ASIC2: variants seen among roughly 807,000 people sequenced by gnomAD.
ASIC2 encodes the protein acid sensing ion channel subunit 2.
ASIC2 carries 25 observed loss-of-function variants against 57.3 expected under a neutral mutation model. That is an observed-to-expected ratio of 0.44 (90% confidence interval 0.32 to 0.61). The LOEUF is 0.61. Among genes scored for constraint, ASIC2 ranks in the 20% least tolerant of loss-of-function variants. The pLI is 0.06. For missense variants in ASIC2, 641 were observed against 738.1 expected, an observed-to-expected ratio of 0.87 and a Z score of 1.52; for synonymous variants, 319 against 307.5, an observed-to-expected ratio of 1.04 and a Z score of -0.39.
At chr17:33,338,946 A>C (rs1907627843) in intron 1 of ASIC2, among the ~76,000 whole-genome samples, 1 of 152,206 alleles carries the variant, frequency 6.6e-6, no homozygotes, top group South Asian at 2.1e-4. Context: ...GCTATCCTTT[A>C]ATGGATACAG....
At chr17:33,345,837 G>T (rs887327772) in intron 1 of ASIC2, among the ~76,000 whole-genome samples, 1 of 152,096 alleles carries the variant, frequency 6.6e-6, no homozygotes, top group Non-Finnish European at 1.5e-5. Flanking sequence ...GGAATGAAAG[G>T]CACCAAAAAT....
intron 1 of ASIC2, among the ~76,000 whole-genome samples, chr17:33,848,949 G>T (rs1428553486): frequency 2.0e-5 from 3 of 152,200 alleles, no homozygotes; most frequent in African/African-American, 7.2e-5. Flanking sequence ...GCTCTGAGAG[G>T]TGCTAATTCC....
At chr17:33,148,909 C>T (rs535346311) in intron 1 of ASIC2, among the ~76,000 whole-genome samples, 3 of 152,094 alleles carry the variant, frequency 2.0e-5, no homozygotes, top group Non-Finnish European at 2.9e-5. Context: ...GCCTGGCCAA[C>T]GTGGTGAAAC....
intron 1 of ASIC2, among the ~76,000 whole-genome samples, chr17:33,539,622 C>T (rs771470189): frequency 1.4e-4 from 21 of 152,228 alleles, no homozygotes; most frequent in African/African-American, 5.1e-4. Flanking sequence ...TAATTAAAAC[C>T]CAGCCCCTGT....
At chr17:33,908,038 G>A (rs7218841) in intron 1 of ASIC2, among the ~76,000 whole-genome samples, 16,610 of 152,148 alleles carry the variant, frequency 0.11, 1,788 homozygotes, top group East Asian at 0.28. Context: ...CTGAGCACTT[G>A]GTTCTCACAG....
At chr17:33,780,702 A>C (rs898736911) in intron 1 of ASIC2, among the ~76,000 whole-genome samples, 3 of 152,204 alleles carry the variant, frequency 2.0e-5, no homozygotes, top group African/African-American at 7.2e-5. Context: ...CACTGTCCCC[A>C]GAACCCAGGT....
intron 1 of ASIC2, among the ~76,000 whole-genome samples, chr17:33,710,249 GA>G (rs1224684326): frequency 6.6e-6 from 1 of 152,216 alleles, no homozygotes; most frequent in African/African-American, 2.4e-5. Context: ...CACAGGTAAA[GA>G]AGCTCCATTT....
intron 1 of ASIC2, among the ~76,000 whole-genome samples, chr17:33,663,856 T>G (rs894946850): frequency 5.9e-5 from 9 of 152,148 alleles, no homozygotes; most frequent in African/African-American, 2.2e-4. Context: ...TTCCAAATGT[T>G]CTCAGCTGAA....
At chr17:33,115,844 A>G (rs1411541961) in intron 1 of ASIC2, among the ~76,000 whole-genome samples, 1 of 152,206 alleles carries the variant, frequency 6.6e-6, no homozygotes, top group African/African-American at 2.4e-5. Context: ...TATTGAATGA[A>G]TGAGTGAATG....
At chr17:33,911,635 T>C (rs955048062) in intron 1 of ASIC2, among the ~76,000 whole-genome samples, 8 of 152,176 alleles carry the variant, frequency 5.3e-5, no homozygotes, top group South Asian at 2.1e-4. Context: ...CTAACACCCA[T>C]AGACCTTAAA....
chr17:33,238,428 C>T lies in ASIC2; in HGVS notation c.708+52980G>A, dbSNP rs186027333. The stretch of plus-strand genomic sequence containing the variant: ...GCTTCCTCTGTTGCTGCCCTCTGGG[C>T]TATTCTTGACATTAGAGCCAGCAAA... On this transcript the variant is annotated intron_variant, in intron 1 of 9. Transcript: ENST00000225823. Among the ~76,000 whole-genome samples, 5 of 152,332 alleles carry T rather than the reference C, an allele frequency of 3.3e-5. No individual in the cohort carries two copies. The East Asian group carries it at 9.6e-4, about 29-fold the overall frequency.
chr17:33,461,303 G>C (rs145274096), intron 1 of ASIC2, among the ~76,000 whole-genome samples: 17 of 152,330 alleles, frequency 1.1e-4, no homozygotes, highest in African/African-American at 3.1e-4. Context: ...CCCAGGTCCT[G>C]GGGGAGCGCA....
chr17:33,450,125 A>G (rs7210023), intron 1 of ASIC2, among the ~76,000 whole-genome samples: 139,379 of 152,182 alleles, frequency 0.92, 63,868 homozygotes, highest in South Asian at 0.95. Context: ...TAAAAATGGT[A>G]GAAACATCCA....
chr17:34,068,402 G>A (rs1355149041), intron 1 of ASIC2, among the ~76,000 whole-genome samples: 1 of 152,160 alleles, frequency 6.6e-6, no homozygotes, highest in African/African-American at 2.4e-5. Flanking sequence ...AGGAGGAAGG[G>A]AGATGCCTAT....
intron 1 of ASIC2, among the ~76,000 whole-genome samples, chr17:33,484,207 T>G (rs1913505692): frequency 6.6e-6 from 1 of 152,244 alleles, no homozygotes; most frequent in Non-Finnish European, 1.5e-5. Flanking sequence ...TGGTGATTTG[T>G]TACAGCAGCA....
chr17:34,126,575 C>G (rs1471916222), intron 1 of ASIC2, among the ~76,000 whole-genome samples: 1 of 152,120 alleles, frequency 6.6e-6, no homozygotes, highest in East Asian at 1.9e-4. Flanking sequence ...CTCAGCCTCC[C>G]TAGGGAGTTG....
intron 1 of ASIC2, among the ~76,000 whole-genome samples, chr17:33,360,618 G>C: frequency 6.6e-6 from 1 of 152,256 alleles, no homozygotes; most frequent in Admixed American, 6.5e-5. Flanking sequence ...ACCTGCTCTT[G>C]GGGCTTTTAC....
At position 33,856,490 on chromosome 17, in the gene ASIC2, T is replaced by C. The variant is rs370782603; in HGVS notation, c.555+299488A>G. On this transcript the variant is annotated intron_variant, in intron 1 of 9. Coordinates refer to the ASIC2 transcript ENST00000359872. Reference sequence around the variant, plus strand: ...GTAGTAGTGGTGGTGGTGGCAGTAGTAATAGTGTTGTCAGTAGTAGTGGTG... The same window carrying C: ...GTAGTAGTGGTGGTGGTGGCAGTAGCAATAGTGTTGTCAGTAGTAGTGGTG... Among the ~76,000 whole-genome samples the C allele has an allele frequency of 1.2e-3, 36 of 31,102 alleles. 1 individual carries two copies. The highest frequency in any genetic ancestry group is 3.1e-3 in the East Asian group (2 of 640). 20.4% of individuals were successfully genotyped at this position (31,102 alleles called of 152,430 possible). A position where few individuals can be genotyped will look rare whatever the true frequency, so the allele number is the denominator to read the frequency against.
intron 1 of ASIC2, among the ~76,000 whole-genome samples, chr17:33,395,196 C>A (rs1910033863): frequency 6.9e-6 from 1 of 145,186 alleles, no homozygotes; most frequent in Admixed American, 6.8e-5. Flanking sequence ...ATCAACCTAT[C>A]CATTCATCCA....
Sources: gnomAD v4.1 joint callset for allele counts (sites outside exome capture counted in the v4.1 genomes callset) on GRCh38, gnomAD v4.1.1 for gene constraint, MANE v1.5 for transcripts, NCBI Gene and HGNC (gene_info 2026-07-23, HGNC 2026-07-21) for gene names.